Variants in RBM19 observed in about 807,000 individuals in gnomAD.
RBM19 encodes the protein probable RNA-binding protein 19.
RBM19 carries 94 observed loss-of-function variants against 116.8 expected under a neutral mutation model. That is an observed-to-expected ratio of 0.80 (90% CI 0.68 to 0.95). RBM19 has a LOEUF of 0.95. Among genes scored for constraint, RBM19 ranks in the 40% least tolerant of loss-of-function variants. The probability of loss-of-function intolerance (pLI) is 0.00; values close to 1 mark genes in which losing one functional copy is unlikely to be tolerated. For synonymous variants in RBM19, 475 were observed against 494.1 expected (o/e 0.96, Z 0.51); for missense variants, 1,161 against 1,220.7 (o/e 0.95, Z 0.73).
chr12:113,926,715 C>T (rs1470185348), intron 17 of RBM19, among the ~76,000 whole-genome samples: 7 of 152,218 alleles, frequency 4.6e-5, no homozygotes, highest in African/African-American at 1.7e-4. Flanking sequence ...TCCCAGCGGG[C>T]GAGAGGATTG....
At chr12:113,959,086 C>T (rs890316074) in intron 5 of RBM19, 126 bp downstream of exon 5, 16 of 952,786 alleles carry the variant, frequency 1.7e-5, no homozygotes, top group African/African-American at 3.3e-5. Flanking sequence ...GGGATCATCA[C>T]CCCCAATGGA....
At chr12:113,937,442 T>A (rs948369018) in intron 15 of RBM19, among the ~76,000 whole-genome samples, 1 of 152,178 alleles carries the variant, frequency 6.6e-6, no homozygotes, top group Admixed American at 6.5e-5. Flanking sequence ...TAAAGTTTCA[T>A]ACTTTAGATG....
At chr12:113,921,344 T>C (rs2135866501) in intron 18 of RBM19, among the ~76,000 whole-genome samples, 1 of 152,214 alleles carries the variant, frequency 6.6e-6, no homozygotes, top group African/African-American at 2.4e-5. Context: ...AACATTAAGA[T>C]CCCTAATTAC....
intron 11 of RBM19, 71 bp downstream of exon 11, chr12:113,947,263 C>T (rs1871104700): frequency 1.3e-6 from 2 of 1,509,136 alleles, no homozygotes; most frequent in African/African-American, 1.4e-5. Flanking sequence ...CACATACACA[C>T]ACACACACAC....
rs141676673 is a variant in RBM19 at position 113,919,054 on chromosome 12, G to T, written c.2386-607C>A. Reference sequence around the variant, plus strand: ...GAAATTTCATAGAATCTTATATCGCGTGAAAGAGAAACACGGACCACTGAA... The same window carrying T: ...GAAATTTCATAGAATCTTATATCGCTTGAAAGAGAAACACGGACCACTGAA... On this transcript the variant is annotated intron_variant, in intron 19 of 23. Coordinates refer to ENST00000261741, the MANE Select transcript of RBM19 (RefSeq NM_016196.4). 3.8e-4 allele frequency among the ~76,000 whole-genome samples: 58 copies of T among 152,240 alleles called. No individual in the cohort carries two copies. The East Asian group carries it at 0.01, about 26-fold the overall frequency.
intron 2 of RBM19, among the ~76,000 whole-genome samples, chr12:113,961,349 C>A (rs1872481904): frequency 6.6e-6 from 1 of 152,126 alleles, no homozygotes; most frequent in South Asian, 2.1e-4. Context: ...TTTGTGCACA[C>A]TTCCAAAATA....
At chr12:113,838,683 C>T (rs529293820) in intron 23 of RBM19, among the ~76,000 whole-genome samples, 31 of 152,194 alleles carry the variant, frequency 2.0e-4, no homozygotes, top group South Asian at 8.3e-4. Context: ...AGGCTTGACC[C>T]ATGAAGATTG....
At chr12:113,940,334 C>A (rs1047296897) in intron 14 of RBM19, among the ~76,000 whole-genome samples, 174 bp from the exon 15 acceptor site, 3 of 152,230 alleles carry the variant, frequency 2.0e-5, no homozygotes, top group Non-Finnish European at 4.4e-5. Flanking sequence ...ATGCTCCCTG[C>A]AAGGCTGCAA....
Position 113,903,402 on chromosome 12 carries a change from T to C in RBM19, c.2558+11567A>G, listed in dbSNP as rs1881834089. 6.6e-6 allele frequency among the ~76,000 whole-genome samples: 1 copy of C among 152,256 alleles called. No individual in the cohort carries two copies. The highest frequency in any genetic ancestry group is 1.5e-5 in the Non-Finnish European group (1 of 68,052). ...CATTGTATGAATACACCCCATTTTG[T>C]TTATCCACTCATCAGCTGACAGACA... On this transcript the variant is annotated intron_variant, in intron 21 of 23. Coordinates refer to ENST00000261741, the MANE Select transcript of RBM19 (RefSeq NM_016196.4). This position sits in a 1 kb window ranked among gnomAD's most constrained non-coding sequence, Gnocchi z 5.1.
intron 21 of RBM19, among the ~76,000 whole-genome samples, chr12:113,871,156 G>C (rs375030601): frequency 6.6e-6 from 1 of 152,180 alleles, no homozygotes; most frequent in African/African-American, 2.4e-5. Flanking sequence ...ATGTTGTCAC[G>C]CACTCCTCAA....
At position 113,903,666 on chromosome 12, in the gene RBM19, T is replaced by TA. The variant is rs1253079448; in HGVS notation, c.2558+11302dup. The stretch of plus-strand genomic sequence containing the variant: ...TTTTTATTTTAGCCATCCTGACCGT[T>TA]ACATGTATATTCATTTGTTTGTACC... On this transcript the variant is annotated intron_variant, in intron 21 of 23. Transcript: ENST00000261741. This position sits in a 1 kb window ranked among gnomAD's most constrained non-coding sequence, Gnocchi z 5.1. 1.3e-5 allele frequency among the ~76,000 whole-genome samples: 2 copies of TA among 152,256 alleles called. No homozygotes were observed. The highest frequency in any genetic ancestry group is 2.9e-5 in the Non-Finnish European group (2 of 68,050).
intron 21 of RBM19, among the ~76,000 whole-genome samples, chr12:113,881,029 A>T (rs1880079430): frequency 6.6e-6 from 1 of 152,162 alleles, no homozygotes; most frequent in Admixed American, 6.5e-5. Context: ...CCCACATCAC[A>T]TCCTGAACAC....
chr12:113,823,448 G>A, intron 23 of RBM19, 127 bp from the exon 24 acceptor site: 1 of 726,358 alleles, frequency 1.4e-6, no homozygotes, highest in Non-Finnish European at 2.3e-6. Flanking sequence ...CGGGGAGACA[G>A]AACAGAAGCG....
chr12:113,857,689 G>A (rs1455155872), intron 22 of RBM19, among the ~76,000 whole-genome samples: 1 of 152,240 alleles, frequency 6.6e-6, no homozygotes, highest in African/African-American at 2.4e-5. Flanking sequence ...AAGACTCGGA[G>A]ACAAAGGTGG....
chr12:113,879,220 C>T (rs1879910436), intron 21 of RBM19, among the ~76,000 whole-genome samples: 1 of 152,064 alleles, frequency 6.6e-6, no homozygotes, highest in Admixed American at 6.5e-5. Context: ...CAATTCTGGA[C>T]CACATTCTGT....
At chr12:113,836,524 A>G (rs1158726659) in intron 23 of RBM19, among the ~76,000 whole-genome samples, 8 of 152,100 alleles carry the variant, frequency 5.3e-5, no homozygotes, top group Non-Finnish European at 1.2e-4. Context: ...GTTTACAACA[A>G]GTTTCTTTTG....
chr12:113,835,196 G>A (rs763570802), intron 23 of RBM19, among the ~76,000 whole-genome samples: 5 of 151,986 alleles, frequency 3.3e-5, no homozygotes, highest in Non-Finnish European at 5.9e-5. Flanking sequence ...CTGAGTTAAC[G>A]CTCACACAGT....
intron 21 of RBM19, among the ~76,000 whole-genome samples, chr12:113,872,390 A>G: frequency 7.3e-6 from 1 of 136,504 alleles, no homozygotes; most frequent in African/African-American, 2.8e-5. Context: ...TCCGGGAGGG[A>G]GGTGGGGGGG....
intron 13 of RBM19, among the ~76,000 whole-genome samples, 160 bp from the exon 14 acceptor site, chr12:113,942,594 CT>C (rs71443067): frequency 0.31 from 38,422 of 125,700 alleles, 5,592 homozygotes; most frequent in Middle Eastern, 0.43. Flanking sequence ...CGGCTCTGTG[CT>C]TTTTTTTTTT....
Sources: gnomAD v4.1 joint callset for allele counts (sites outside exome capture counted in the v4.1 genomes callset) on GRCh38, gnomAD v4.1.1 for gene constraint, Gnocchi (gnomAD v3.1) non-coding constraint, MANE v1.5 for transcripts, NCBI Gene and HGNC (gene_info 2026-07-23, HGNC 2026-07-21) for gene names.